AOPEP: variants seen among roughly 807,000 people sequenced by gnomAD.
The protein encoded by AOPEP is aminopeptidase O (putative), also known as aminopeptidase O.
A neutral mutation model predicts 98.1 loss-of-function variants in AOPEP; 77 were observed. The observed-to-expected ratio is 0.78, with a 90% CI of 0.65 to 0.95. AOPEP has a LOEUF of 0.95. Among genes scored for constraint, AOPEP ranks in the 40% least tolerant of loss-of-function variants. The pLI is 0.00. For synonymous variants in AOPEP, 346 were observed against 365.3 expected, an observed-to-expected ratio of 0.95 and a Z score of 0.60; for missense variants, 1,024 against 1,024.7, an observed-to-expected ratio of 1.00 and a Z score of 0.01.
At chr9:94,775,492 C>T (rs1841892941) in intron 3 of AOPEP, among the ~76,000 whole-genome samples, 1 of 151,938 alleles carries the variant, frequency 6.6e-6, no homozygotes, top group Non-Finnish European at 1.5e-5. Flanking sequence ...TCGGCCTCCC[C>T]AGTAGCTGGG....
intron 13 of AOPEP, among the ~76,000 whole-genome samples, chr9:95,016,591 C>T (rs993158591): frequency 6.6e-5 from 10 of 151,978 alleles, no homozygotes; most frequent in African/African-American, 1.9e-4. Flanking sequence ...GCATCCCACA[C>T]GTTTCCAGCA....
the AOPEP span, among the ~76,000 whole-genome samples, chr9:95,145,841 G>A: frequency 2.0e-5 from 3 of 151,954 alleles, no homozygotes; most frequent in Non-Finnish European, 4.4e-5. Flanking sequence ...CTTTACCACC[G>A]GAGAACGGGG....
At position 94,773,056 on chromosome 9, in the gene AOPEP, C is replaced by T. The variant is rs904094991; in HGVS notation, c.852C>T (p.Cys284=). The part of the protein sequence containing the change: ...SPINNRALFP[C]QEPPVAMSTW... ...TAAACAACAGGGCCCTTTTTCCATG[C>T]CAGGAGCCACCCGTTGCCATGTCAA... The change falls in exon 3 of 17, where the codon TGC becomes TGT. Residue 284 remains cysteine, a synonymous_variant. Transcript: ENST00000375315. The T allele has an allele frequency of 1.9e-6, 3 of 1,613,984 alleles. No homozygotes were observed. The highest frequency in any genetic ancestry group is 1.7e-5 in the Admixed American group (1 of 59,984).
intron 5 of AOPEP, among the ~76,000 whole-genome samples, chr9:94,820,830 C>A (rs530052054): frequency 6.6e-6 from 1 of 152,334 alleles, no homozygotes; most frequent in East Asian, 1.9e-4. Flanking sequence ...GAGAAACCTA[C>A]ATGCCATAGC....
intron 5 of AOPEP, among the ~76,000 whole-genome samples, chr9:94,838,562 G>A (rs1032291899): frequency 6.6e-6 from 1 of 151,982 alleles, no homozygotes; most frequent in Non-Finnish European, 1.5e-5. Flanking sequence ...AAATTGTTTT[G>A]TTCTGGGTCT....
intron 5 of AOPEP, among the ~76,000 whole-genome samples, chr9:94,828,871 T>TA (rs1422242930): frequency 4.6e-5 from 2 of 43,280 alleles, no homozygotes; most frequent in Admixed American, 5.8e-4. Context: ...TATTTCTTCT[T>TA]ACTGTTTTTT....
chr9:94,759,667 A>G lies in AOPEP; in HGVS notation c.-117A>G. ...TTGCCAGGAGACTGAAAGGAACCATAATTTGTGACATCAGTTGTTTTCTTT... is the reference window on the plus strand; with the variant it reads ...TTGCCAGGAGACTGAAAGGAACCATGATTTGTGACATCAGTTGTTTTCTTT... On this transcript the variant is annotated 5_prime_UTR_variant, in exon 2 of 17. In the 5' UTR this introduces an upstream ATG that the reference lacks. Transcript: ENST00000375315. 1 of 816,806 alleles carries G rather than the reference A, an allele frequency of 1.2e-6. No individual in the cohort carries two copies. The highest frequency in any genetic ancestry group is 1.9e-6 in the Non-Finnish European group (1 of 533,346). 50.6% of individuals were successfully genotyped at this position (816,806 alleles called of 1,614,324 possible).
intron 7 of AOPEP, among the ~76,000 whole-genome samples, chr9:94,947,655 A>G (rs1283721482): frequency 3.3e-5 from 5 of 152,240 alleles, no homozygotes; most frequent in Non-Finnish European, 7.3e-5. Flanking sequence ...TTAATATGCC[A>G]AACACTGTCC....
In AOPEP at chr9:94,773,167, AG is replaced by A; in HGVS notation, c.964+1del. ...CTGCCAAACCAACGCAGCTTTGGGA[AG>A]GTACTGTACATGTGTTCTTTGCTTA... ...NSAKPTQLWE[E>X]CSSWYYYVTM... is the part of the protein sequence containing the mutation. On this transcript the variant is annotated frameshift_variant and splice_region_variant, in exon 3 of 17. Transcript: ENST00000375315. LOFTEE classifies it high-confidence loss of function. 1 of 1,613,824 alleles carries A rather than the reference AG, an allele frequency of 6.2e-7. No homozygotes were observed. The highest frequency in any genetic ancestry group is 1.3e-5 in the African/African-American group (1 of 75,020).
At chr9:94,793,846 C>T (rs1363242683) in intron 4 of AOPEP, among the ~76,000 whole-genome samples, 1 of 152,188 alleles carries the variant, frequency 6.6e-6, no homozygotes, top group Non-Finnish European at 1.5e-5. Context: ...GATTCAATGC[C>T]TCCTCTCCTC....
At chr9:95,120,404 G>A in the AOPEP span, among the ~76,000 whole-genome samples, 1 of 151,298 alleles carries the variant, frequency 6.6e-6, no homozygotes, top group South Asian at 2.1e-4. Flanking sequence ...TGATTACAAT[G>A]GCTTTTAAAA....
At chr9:95,101,519 G>A in the AOPEP span, 2 of 707,098 alleles carry the variant, frequency 2.8e-6, no homozygotes, top group Admixed American at 2.3e-5. Context: ...CTGAGTCTGG[G>A]CTGAGGGACC....
At chr9:95,035,922 TC>T (rs1433107793) in intron 13 of AOPEP, among the ~76,000 whole-genome samples, 1 of 152,076 alleles carries the variant, frequency 6.6e-6, no homozygotes, top group African/African-American at 2.4e-5. Flanking sequence ...ATGACAGACT[TC>T]CCTCCTACCA....
At chr9:95,098,992 T>C in the AOPEP span, 1 of 175,486 alleles carries the variant, frequency 5.7e-6, no homozygotes, top group African/African-American at 2.4e-5. Context: ...GCTTCCACTG[T>C]CTGGGGCCAT....
chr9:94,975,956 G>A (rs1005638026), intron 10 of AOPEP, among the ~76,000 whole-genome samples: 6 of 152,180 alleles, frequency 3.9e-5, no homozygotes, highest in Non-Finnish European at 7.3e-5. Context: ...TCTTTGCCCC[G>A]ATGTGCTTTT....
intron 14 of AOPEP, among the ~76,000 whole-genome samples, chr9:95,061,896 A>G (rs1393760283): frequency 2.0e-5 from 3 of 152,210 alleles, no homozygotes; most frequent in African/African-American, 7.2e-5. Context: ...TTTTGTATGT[A>G]GGAGTTCTCA....
intron 5 of AOPEP, among the ~76,000 whole-genome samples, chr9:94,910,425 G>A (rs370328335): frequency 6.6e-6 from 1 of 152,178 alleles, no homozygotes; most frequent in African/African-American, 2.4e-5. Flanking sequence ...ACTGGGTCTC[G>A]GGCAGCCTTG....
rs1853758098 is a variant in AOPEP, at chr9:94,823,577, CTT to C, written c.1364+22578_1364+22579del. ...TCTTAACTGGCAAGCCTCCTGGGGG[CTT>C]TTAGGTGTCCACTGCCCTTTGTGAT... On this transcript the variant is annotated intron_variant, in intron 5 of 16. Transcript: ENST00000375315. 2.0e-5 allele frequency among the ~76,000 whole-genome samples: 3 copies of C among 152,176 alleles called. No homozygotes were observed. In the South Asian group the frequency reaches 6.2e-4, roughly 32 times the overall value.
chr9:95,115,640 A>G, the AOPEP span, among the ~76,000 whole-genome samples: 1 of 152,242 alleles, frequency 6.6e-6, no homozygotes, highest in African/African-American at 2.4e-5. Flanking sequence ...AGCATCTGCA[A>G]AAGTTTTCAC....
Sources: allele counts gnomAD v4.1 joint callset (sites outside exome capture counted in the v4.1 genomes callset), GRCh38; gene constraint gnomAD v4.1.1; transcripts MANE v1.5; gene names NCBI Gene and HGNC (gene_info 2026-07-23, HGNC 2026-07-21).